Variants in CYFIP1 observed in about 807,000 individuals in gnomAD.
The protein encoded by CYFIP1 is cytoplasmic FMR1-interacting protein 1.
In CYFIP1, 58 loss-of-function variants were observed where a neutral mutation model predicts 163.5. That is an observed-to-expected ratio of 0.35 (90% CI 0.29 to 0.44). The LOEUF (loss-of-function observed/expected upper bound fraction) is 0.44, where lower values mean the gene tolerates loss of function less well. Among genes scored for constraint, CYFIP1 ranks in the 20% least tolerant of loss-of-function variants. The pLI, the probability that CYFIP1 is intolerant of heterozygous loss-of-function variation, is 1.00. For synonymous variants in CYFIP1, 663 were observed against 660.7 expected (o/e 1.00, Z -0.05); for missense variants, 1,338 against 1,653.8 (o/e 0.81, Z 3.31).
chr15:22,904,519 C>T (rs1279581072), intron 21 of CYFIP1: 1 of 154,294 alleles, frequency 6.5e-6, no homozygotes, highest in African/African-American at 2.4e-5. Flanking sequence ...AAATACCCAC[C>T]TCAACTATAC....
chr15:22,893,986 C>T (rs2060152335), intron 22 of CYFIP1, among the ~76,000 whole-genome samples: 2 of 152,248 alleles, frequency 1.3e-5, no homozygotes, highest in South Asian at 2.1e-4. Flanking sequence ...CATCAGGAGG[C>T]GCTACGGTCA....
At chr15:22,900,291 C>T (rs537900939) in intron 22 of CYFIP1, among the ~76,000 whole-genome samples, 3 of 152,216 alleles carry the variant, frequency 2.0e-5, no homozygotes, top group African/African-American at 7.2e-5. Flanking sequence ...ACTGAGGTCA[C>T]CGCCAGAAGT....
chr15:22,889,636 C>T (rs752561408), intron 23 of CYFIP1, among the ~76,000 whole-genome samples: 65 of 152,296 alleles, frequency 4.3e-4, no homozygotes, highest in Admixed American at 1.0e-3. Flanking sequence ...TGCCTACCCC[C>T]CGCCTGCCTC....
At chr15:22,970,812 C>T (rs2063068611) in intron 1 of CYFIP1, among the ~76,000 whole-genome samples, 1 of 152,292 alleles carries the variant, frequency 6.6e-6, no homozygotes, top group East Asian at 1.9e-4. Flanking sequence ...CGTGGTGGCT[C>T]ACTCCTGTAA....
chr15:22,922,415 G>C (rs935994348), intron 13 of CYFIP1, among the ~76,000 whole-genome samples: 1 of 152,200 alleles, frequency 6.6e-6, no homozygotes, highest in Non-Finnish European at 1.5e-5. Context: ...AGCACGTCCC[G>C]TGCAATTCCA....
At chr15:22,890,174 T>C (rs1320790415) in intron 23 of CYFIP1, among the ~76,000 whole-genome samples, 1 of 150,010 alleles carries the variant, frequency 6.7e-6, no homozygotes, top group Admixed American at 6.6e-5. Context: ...TGTCCGGGCA[T>C]GGTGGCAGGC....
chr15:22,960,032 C>T (rs749508602), intron 1 of CYFIP1, among the ~76,000 whole-genome samples: 3 of 152,234 alleles, frequency 2.0e-5, no homozygotes, highest in Admixed American at 6.5e-5. Flanking sequence ...CAGCCCTTCT[C>T]CTGCACCAAG....
At chr15:22,916,771 C>T (rs777971099) in intron 15 of CYFIP1, 141 bp from the exon 16 acceptor site, 13 of 1,602,554 alleles carry the variant, frequency 8.1e-6, no homozygotes, top group East Asian at 2.3e-5. Flanking sequence ...CCGAGGGGTC[C>T]GGGTGCCTGT....
intron 17 of CYFIP1, among the ~76,000 whole-genome samples, chr15:22,913,715 A>T (rs532430064): frequency 0.026 from 3,951 of 151,346 alleles, 173 homozygotes; most frequent in African/African-American, 0.089. Flanking sequence ...CCACTACCTC[A>T]TATCTGGACA....
intron 1 of CYFIP1, among the ~76,000 whole-genome samples, chr15:22,955,929 G>T (rs555246532): frequency 2.6e-5 from 4 of 152,204 alleles, no homozygotes; most frequent in Admixed American, 2.6e-4. Context: ...TTTTAAATGT[G>T]ATTTGGGGCT....
chr15:22,974,133 T>TA (rs1377791962), intron 1 of CYFIP1, among the ~76,000 whole-genome samples: 1 of 152,076 alleles, frequency 6.6e-6, no homozygotes, highest in Non-Finnish European at 1.5e-5. Context: ...CTCAAAATAT[T>TA]AAAAATAGAA....
chr15:22,890,165 G>A (rs1371884506), intron 23 of CYFIP1, among the ~76,000 whole-genome samples: 7 of 151,418 alleles, frequency 4.6e-5, no homozygotes, highest in African/African-American at 1.7e-4. Context: ...ACAAAAAATT[G>A]TCCGGGCATG....
Position 22,868,418 on chromosome 15 carries a change from G to GTAT in CYFIP1, c.*1607_*1609dup, listed in dbSNP as rs937823979. ...CACTTGAGATTGTCTTATACCTAAG[G>GTAT]TATTACATATTTGGTATATAATTAA... On this transcript the variant is annotated 3_prime_UTR_variant, in exon 31 of 31. Coordinates refer to ENST00000617928, the MANE Select transcript of CYFIP1 (RefSeq NM_014608.6). The GTAT allele has an allele frequency of 2.0e-5, 3 of 152,218 alleles. No individual in the cohort carries two copies. Among genetic ancestry groups the GTAT allele is most frequent in the South Asian group, 2.1e-4 (1 of 4,824 alleles). The allele number at this position is 152,218 out of a possible 1,614,324, so 9.4% of individuals were successfully genotyped here. A position where few individuals can be genotyped will look rare whatever the true frequency, so the allele number is the denominator to read the frequency against.
intron 11 of CYFIP1, among the ~76,000 whole-genome samples, chr15:22,928,872 T>G (rs34361302): frequency 0.1 from 15,228 of 151,936 alleles, 1,050 homozygotes; most frequent in Non-Finnish European, 0.14. Context: ...GCTCACAGCA[T>G]GACCACTGAG....
chr15:22,928,067 C>T lies in CYFIP1; in HGVS notation c.1111-39G>A. ...GCACGGCCCCGTGAGAAACCAGCGCCCCCACCCAGCTCCCCCCATCCCGGG... is the reference window on the plus strand; with the variant it reads ...GCACGGCCCCGTGAGAAACCAGCGCTCCCACCCAGCTCCCCCCATCCCGGG... On this transcript the variant is annotated intron_variant, in intron 11 of 30. Transcript: ENST00000617928. 2 of 1,459,374 alleles carry T rather than the reference C, an allele frequency of 1.4e-6. 1 individual carries two copies. Among genetic ancestry groups the T allele is most frequent in the South Asian group, 2.7e-5 (2 of 73,258 alleles). 90.4% of individuals were successfully genotyped at this position (1,459,374 alleles called of 1,614,324 possible). A position where few individuals can be genotyped will look rare whatever the true frequency, so the allele number is the denominator to read the frequency against.
chr15:22,919,523 C>T (rs970039274), intron 13 of CYFIP1, among the ~76,000 whole-genome samples: 25 of 152,140 alleles, frequency 1.6e-4, no homozygotes, highest in African/African-American at 6.0e-4. Context: ...TTCATGATAG[C>T]TATGTGAGGC....
At chr15:22,948,074 A>G (rs967299125) in intron 1 of CYFIP1, 2 of 825,572 alleles carry the variant, frequency 2.4e-6, no homozygotes, top group Non-Finnish European at 2.9e-6. Flanking sequence ...GACACTGAAC[A>G]GAAGGAGCCC....
intron 6 of CYFIP1, among the ~76,000 whole-genome samples, chr15:22,940,012 T>G (rs2061846160): frequency 6.6e-6 from 1 of 152,184 alleles, no homozygotes; most frequent in Non-Finnish European, 1.5e-5. Flanking sequence ...GACAGAGCCC[T>G]GGCCTGCCAC....
intron 1 of CYFIP1, among the ~76,000 whole-genome samples, chr15:22,979,488 G>T (rs903000951): frequency 6.6e-6 from 1 of 151,982 alleles, no homozygotes; most frequent in Non-Finnish European, 1.5e-5. Flanking sequence ...CCCCAGCGGC[G>T]ACCACGCGGC....
Sources: gnomAD v4.1 joint callset for allele counts (sites outside exome capture counted in the v4.1 genomes callset) on GRCh38, gnomAD v4.1.1 for gene constraint, MANE v1.5 for transcripts, NCBI Gene and HGNC (gene_info 2026-07-23, HGNC 2026-07-21) for gene names.